The following ESR1 variants were observed in gnomAD, a reference collection of about 807,000 sequenced individuals.
The protein encoded by ESR1 is estrogen receptor 1, also known as estrogen receptor.
Under a neutral mutation model 52.7 loss-of-function variants are expected in ESR1, and 12 were observed. The observed-to-expected ratio is 0.23, with a 90% confidence interval of 0.15 to 0.37. The LOEUF (loss-of-function observed/expected upper bound fraction) is 0.37. Ranked by LOEUF, ESR1 falls within the 10% of genes least tolerant of loss-of-function variation. ESR1 has a pLI of 1.00. For missense variants in ESR1, 584 were observed against 779.7 expected (o/e 0.75, Z 2.99); for synonymous variants, 305 against 316.8 (o/e 0.96, Z 0.39).
intron 2 of ESR1, among the ~76,000 whole-genome samples, chr6:151,726,025 G>GA: frequency 6.6e-6 from 1 of 152,270 alleles, no homozygotes; most frequent in Admixed American, 6.5e-5. Flanking sequence ...TAAAGAGGTG[G>GA]AAAACCACAG....
downstream of ESR1, among the ~76,000 whole-genome samples, chr6:152,106,089 G>A (rs908149590): frequency 2.0e-5 from 3 of 151,970 alleles, no homozygotes; most frequent in South Asian, 4.2e-4. Flanking sequence ...CACCGCGCCC[G>A]GCCTCAGTAT....
intron 6 of ESR1, among the ~76,000 whole-genome samples, chr6:152,088,900 G>C (rs1218838222): frequency 6.6e-6 from 1 of 152,218 alleles, no homozygotes; most frequent in East Asian, 1.9e-4. Flanking sequence ...TTGCAAATGA[G>C]TCTGGCTTTA....
At chr6:151,766,844 T>C (rs1785096248) in intron 2 of ESR1, among the ~76,000 whole-genome samples, 1 of 152,214 alleles carries the variant, frequency 6.6e-6, no homozygotes. Context: ...TTACTTACAT[T>C]ACCTTCTGTA....
upstream of ESR1, among the ~76,000 whole-genome samples, chr6:151,687,227 C>T (rs971917748): frequency 3.9e-5 from 6 of 152,040 alleles, no homozygotes; most frequent in African/African-American, 1.2e-4. Context: ...CTGAAGTGGG[C>T]GTAGGGTGGG....
At position 152,083,196 on chromosome 6, in the gene ESR1, G is replaced by A. The variant is rs369168719; in HGVS notation, c.1370-11189G>A. The stretch of plus-strand genomic sequence containing the variant: ...AAAAGAACAAAGCTGGAGGCATCAC[G>A]CTACCTGACTTCAAACCATACTACA... On this transcript the variant is annotated intron_variant, in intron 6 of 7. Transcript: ENST00000206249. Among the ~76,000 whole-genome samples, 419 of 152,190 alleles carry A rather than the reference G, an allele frequency of 2.8e-3. 5 individuals carry two copies. Among genetic ancestry groups the A allele is most frequent in the South Asian group, 0.023 (113 of 4,822 alleles).
upstream of ESR1, chr6:151,807,602 C>T: frequency 1.9e-6 from 1 of 514,938 alleles, no homozygotes. Context: ...GGCAACAGTC[C>T]CTGGCCGTCC....
At chr6:151,917,086 C>A (rs1459836135) in intron 3 of ESR1, among the ~76,000 whole-genome samples, 2 of 152,130 alleles carry the variant, frequency 1.3e-5, no homozygotes, top group African/African-American at 4.8e-5. Context: ...CCTGGGAAGA[C>A]TCCTCCATGA....
intron 4 of ESR1, among the ~76,000 whole-genome samples, chr6:151,999,737 C>G (rs2041803213): frequency 1.3e-5 from 2 of 152,108 alleles, no homozygotes; most frequent in Admixed American, 1.3e-4. Flanking sequence ...TCTGGGAAGT[C>G]ATTGACTTTG....
intron 4 of ESR1, 58 bp downstream of exon 4, chr6:151,944,566 T>C (rs2035483356): frequency 2.0e-6 from 3 of 1,483,078 alleles, no homozygotes; most frequent in East Asian, 4.5e-5. Flanking sequence ...CTTGTTGTGA[T>C]GTCATGGGAG....
In ESR1 at chr6:151,880,329, T is replaced by C. The variant is rs6557169; in HGVS notation, c.644-326T>C. On this transcript the variant is annotated intron_variant, in intron 2 of 7. Coordinates refer to ENST00000206249, the MANE Select transcript of ESR1 (RefSeq NM_000125.4). Reference sequence around the variant, plus strand: ...TCCTGAGTAGCTGGGATTACAGGTGTACACCACCATACCCAGGTTTTTTTT... The same window carrying C: ...TCCTGAGTAGCTGGGATTACAGGTGCACACCACCATACCCAGGTTTTTTTT... Among the ~76,000 whole-genome samples, 120,699 of 151,792 alleles carry C rather than the reference T, an allele frequency of 0.8. 48,868 individuals carry two copies. Among genetic ancestry groups the C allele is most frequent in the African/African-American group, 0.94 (38,918 of 41,434 alleles).
chr6:151,785,000 G>A (rs1382825223), intron 2 of ESR1, among the ~76,000 whole-genome samples: 1 of 150,942 alleles, frequency 6.6e-6, no homozygotes, highest in African/African-American at 2.5e-5. Context: ...GATTGGGCAA[G>A]GCCCACCCAT....
intron 2 of ESR1, among the ~76,000 whole-genome samples, chr6:151,870,984 T>C (rs747538011): frequency 3.9e-5 from 6 of 151,914 alleles, no homozygotes; most frequent in African/African-American, 7.3e-5. Flanking sequence ...CCTGAGTAAC[T>C]GGGATGACAG....
At chr6:151,739,037 T>C (rs1361968746) in intron 2 of ESR1, among the ~76,000 whole-genome samples, 3 of 152,168 alleles carry the variant, frequency 2.0e-5, no homozygotes, top group African/African-American at 4.8e-5. Flanking sequence ...CCATGGAATA[T>C]GGATGATTGG....
rs2047531931 is a variant in ESR1 at position 152,061,403 on chromosome 6, G to T, written c.1369+279G>T. The stretch of plus-strand genomic sequence containing the variant: ...ACAGATAGGATGTTTTTATTCAAAT[G>T]GTACATGTATATAGACATATGTTAG... On this transcript the variant is annotated intron_variant, in intron 6 of 7. Transcript: ENST00000206249. The surrounding 1 kb of genome is among the most constrained non-coding windows in gnomAD (Gnocchi z 4.3). Among the ~76,000 whole-genome samples, 1 of 152,088 alleles carries T rather than the reference G, an allele frequency of 6.6e-6. No homozygotes were observed. Among genetic ancestry groups the T allele is most frequent in the Non-Finnish European group, 1.5e-5 (1 of 68,018 alleles).
At chr6:151,923,186 C>T (rs952507905) in intron 3 of ESR1, among the ~76,000 whole-genome samples, 2 of 152,120 alleles carry the variant, frequency 1.3e-5, no homozygotes, top group Admixed American at 6.5e-5. Flanking sequence ...CTTAGGTTAG[C>T]GCCTTATTTT....
intron 2 of ESR1, among the ~76,000 whole-genome samples, chr6:151,865,764 GT>G (rs1445790508): frequency 6.6e-6 from 1 of 152,224 alleles, no homozygotes; most frequent in Non-Finnish European, 1.5e-5. Context: ...TAAGTAGCAT[GT>G]TTAGGCCACA....
intron 2 of ESR1, among the ~76,000 whole-genome samples, chr6:151,705,181 C>T (rs1780095587): frequency 6.6e-6 from 1 of 152,086 alleles, no homozygotes; most frequent in South Asian, 2.1e-4. Flanking sequence ...ATATCTGGAA[C>T]ACTTTTACCT....
intron 3 of ESR1, among the ~76,000 whole-genome samples, chr6:151,927,978 C>T (rs563807291): frequency 6.6e-6 from 1 of 152,228 alleles, no homozygotes; most frequent in East Asian, 1.9e-4. Context: ...CCTGCCTCGG[C>T]CTCCCAAAGT....
chr6:151,956,843 A>AATATATATATATATATATATAAAT (rs1253747719), intron 4 of ESR1, among the ~76,000 whole-genome samples: 1 of 44,466 alleles, frequency 2.2e-5, no homozygotes, highest in Non-Finnish European at 5.6e-5. Flanking sequence ...AATATAAATA[A>AATATATATATATATATATATAAAT]ATATATATAT....
Sources: allele counts gnomAD v4.1 joint callset (sites outside exome capture counted in the v4.1 genomes callset), GRCh38; gene constraint gnomAD v4.1.1; non-coding constraint Gnocchi (gnomAD v3.1); transcripts MANE v1.5; gene names NCBI Gene and HGNC (gene_info 2026-07-23, HGNC 2026-07-21).